The following AFF3 variants were observed in gnomAD, a reference collection of about 807,000 sequenced individuals.
AFF3 encodes the protein ALF transcription elongation factor 3, also known as AF4/FMR2 family member 3.
Under a neutral mutation model 129.7 loss-of-function variants are expected in AFF3, and 32 were observed. That is an observed-to-expected ratio of 0.25 (90% CI 0.19 to 0.33). The LOEUF is 0.33. AFF3 is among the 10% of genes least tolerant of loss of function. The pLI, the probability that AFF3 is intolerant of heterozygous loss-of-function variation, is 1.00. For synonymous variants in AFF3, 644 were observed against 635.4 expected (o/e 1.01, Z -0.20); for missense variants, 1,373 against 1,592.0 (o/e 0.86, Z 2.34).
At chr2:99,870,482 T>C (rs1218439384) in intron 7 of AFF3, among the ~76,000 whole-genome samples, 1 of 152,180 alleles carries the variant, frequency 6.6e-6, no homozygotes, top group Admixed American at 6.5e-5. Context: ...ACCCTCAGCA[T>C]CCTAGCTCTG....
At chr2:99,848,410 C>A (rs753189044) in intron 7 of AFF3, among the ~76,000 whole-genome samples, 27 of 152,238 alleles carry the variant, frequency 1.8e-4, no homozygotes, top group Non-Finnish European at 3.7e-4. Context: ...AGATCCGCCA[C>A]GTACAGGGAA....
intron 4 of AFF3, among the ~76,000 whole-genome samples, chr2:100,081,748 T>C (rs534627910): frequency 6.6e-5 from 10 of 152,344 alleles, no homozygotes; most frequent in African/African-American, 2.4e-4. Flanking sequence ...TAAGGTACTG[T>C]CATAGGTTAG....
intron 13 of AFF3, among the ~76,000 whole-genome samples, chr2:99,612,230 A>T (rs1300579283): frequency 6.6e-6 from 1 of 152,228 alleles, no homozygotes; most frequent in African/African-American, 2.4e-5. Context: ...CTTGGTATTT[A>T]GCAAGTAGAA....
At chr2:99,782,270 C>A (rs1202645799) in intron 8 of AFF3, among the ~76,000 whole-genome samples, 1 of 152,202 alleles carries the variant, frequency 6.6e-6, no homozygotes, top group African/African-American at 2.4e-5. Context: ...GCCCAAACAT[C>A]TGTAAATGCT....
chr2:99,959,909 C>T (rs941805998), intron 7 of AFF3, among the ~76,000 whole-genome samples: 1 of 151,916 alleles, frequency 6.6e-6, no homozygotes, highest in Non-Finnish European at 1.5e-5. Context: ...ATCACATCTG[C>T]ACCCAAGCAA....
intron 8 of AFF3, among the ~76,000 whole-genome samples, chr2:99,754,919 T>G (rs991018242): frequency 6.6e-6 from 1 of 152,228 alleles, no homozygotes; most frequent in African/African-American, 2.4e-5. Context: ...ATTTGAAAGT[T>G]AGGGTATCGG....
intron 4 of AFF3, among the ~76,000 whole-genome samples, chr2:100,076,625 G>T (rs112572526): frequency 3.3e-5 from 5 of 152,294 alleles, no homozygotes; most frequent in African/African-American, 9.6e-5. Context: ...CACTGAGGTT[G>T]ACTCCATTCG....
intron 13 of AFF3, among the ~76,000 whole-genome samples, chr2:99,614,901 G>A (rs1324224518): frequency 6.6e-6 from 1 of 152,160 alleles, no homozygotes; most frequent in East Asian, 1.9e-4. Context: ...AGACCCACGT[G>A]TGGCCCCACC....
At chr2:99,810,502 C>T (rs369798944) in intron 8 of AFF3, among the ~76,000 whole-genome samples, 40 of 152,358 alleles carry the variant, frequency 2.6e-4, no homozygotes, top group African/African-American at 8.7e-4. Context: ...GTACAAATAC[C>T]TGGGCAAACG....
chr2:99,740,664 G>GT (rs1363414514), intron 10 of AFF3, among the ~76,000 whole-genome samples: 12 of 151,262 alleles, frequency 7.9e-5, no homozygotes, highest in Middle Eastern at 6.8e-3. Flanking sequence ...GGGGTTGTTT[G>GT]TTTTTTTTCT....
chr2:100,034,547 T>C (rs1164159324), intron 4 of AFF3, among the ~76,000 whole-genome samples: 2 of 152,066 alleles, frequency 1.3e-5, no homozygotes, highest in Non-Finnish European at 2.9e-5. Flanking sequence ...TTTTTTTTAA[T>C]CTGCAAAAAC....
intron 11 of AFF3, among the ~76,000 whole-genome samples, chr2:99,695,931 GAAAAATGAAAAAAAA>G (rs1321024413): frequency 5.0e-5 from 2 of 39,606 alleles, no homozygotes; most frequent in African/African-American, 2.4e-4. Flanking sequence ...TTACTTACTG[GAAAAATGAAAAAAAA>G]AAAAAAAAAA....
chr2:100,111,048 A>G (rs1252764024), intron 2 of AFF3, among the ~76,000 whole-genome samples: 1 of 152,204 alleles, frequency 6.6e-6, no homozygotes, highest in Non-Finnish European at 1.5e-5. Context: ...AGCAAAAGCC[A>G]CAGACTAAAG....
intron 11 of AFF3, among the ~76,000 whole-genome samples, chr2:99,709,867 A>C (rs6753779): frequency 0.072 from 11,001 of 152,274 alleles, 462 homozygotes; most frequent in East Asian, 0.11. Context: ...TTTCAAATGA[A>C]ATAGTCCCAA....
chr2:99,727,448 T>C (rs1679449014), intron 10 of AFF3, among the ~76,000 whole-genome samples: 1 of 152,140 alleles, frequency 6.6e-6, no homozygotes, highest in Admixed American at 6.5e-5. Context: ...TTACAGAAAA[T>C]TTCAGGAAAT....
intron 8 of AFF3, among the ~76,000 whole-genome samples, chr2:99,795,571 G>A (rs146959582): frequency 4.7e-4 from 71 of 152,240 alleles, no homozygotes; most frequent in Middle Eastern, 3.4e-3. Context: ...TGGGGATAAT[G>A]AGCATAAACC....
At chr2:99,744,440 A>T (rs1437819437) in intron 9 of AFF3, among the ~76,000 whole-genome samples, 1 of 152,194 alleles carries the variant, frequency 6.6e-6, no homozygotes, top group Non-Finnish European at 1.5e-5. Context: ...GGCATTTGGT[A>T]CTTTCATAAG....
At chr2:99,672,470 G>T in intron 12 of AFF3, 68 bp downstream of exon 12, 1 of 1,513,010 alleles carries the variant, frequency 6.6e-7, no homozygotes, top group Non-Finnish European at 9.2e-7. Flanking sequence ...TTAACACCCG[G>T]CACAGTCCAC....
At chr2:99,894,100 C>T (rs1406501074) in intron 7 of AFF3, among the ~76,000 whole-genome samples, 1 of 151,466 alleles carries the variant, frequency 6.6e-6, no homozygotes, top group African/African-American at 2.4e-5. Context: ...CTCCCACAAG[C>T]TTAGCAATAA....
Sources: gnomAD v4.1 joint callset for allele counts (sites outside exome capture counted in the v4.1 genomes callset) on GRCh38, gnomAD v4.1.1 for gene constraint, MANE v1.5 for transcripts, NCBI Gene and HGNC (gene_info 2026-07-23, HGNC 2026-07-21) for gene names.